Variants in AACS observed in about 807,000 individuals in gnomAD.
The protein encoded by AACS is acetoacetyl-CoA synthetase, also known as acetoacetate-CoA ligase.
In AACS, 69 loss-of-function variants were observed where a neutral mutation model predicts 83.1. The ratio of observed to expected loss-of-function variants is 0.83; its 90% CI spans 0.68 to 1.01. AACS has a LOEUF of 1.01. AACS is among the 50% of genes least tolerant of loss of function. The pLI is 0.00. For missense variants in AACS, 866 were observed against 882.2 expected (o/e 0.98, Z 0.23); for synonymous variants, 333 against 343.4 (o/e 0.97, Z 0.33).
At chr12:125,138,307 G>A (rs542827933) in intron 17 of AACS, 1 of 150,522 alleles carries the variant, frequency 6.6e-6, no homozygotes, top group South Asian at 2.1e-4. Flanking sequence ...CCTGCAGCTT[G>A]GGGCTTTCCA....
intron 13 of AACS, 144 bp downstream of exon 13, chr12:125,128,418 T>C: frequency 1.5e-6 from 1 of 667,752 alleles, no homozygotes; most frequent in East Asian, 3.1e-5. Flanking sequence ...TGTGATGTCC[T>C]TTCCCTCCAG....
intron 1 of AACS, among the ~76,000 whole-genome samples, chr12:125,070,678 C>T (rs948496418): frequency 6.6e-5 from 10 of 152,162 alleles, no homozygotes; most frequent in African/African-American, 2.4e-4. Context: ...CTCTGTATGT[C>T]GGGCTCCATC....
intron 5 of AACS, chr12:125,092,410 G>C (rs994454963): frequency 1.3e-5 from 2 of 152,370 alleles, no homozygotes; most frequent in African/African-American, 4.8e-5. Flanking sequence ...TGAGGCTTTT[G>C]GGTGTGAGCT....
chr12:125,089,715 A>G (rs1486368806), intron 4 of AACS, among the ~76,000 whole-genome samples: 1 of 151,792 alleles, frequency 6.6e-6, no homozygotes, highest in Non-Finnish European at 1.5e-5. Flanking sequence ...CCATCTGTCC[A>G]TCCATCTATC....
Position 125,107,688 on chromosome 12 carries a change from C to T in AACS, c.915+420C>T, listed in dbSNP as rs547933557. On this transcript the variant is annotated intron_variant, in intron 8 of 17. Transcript: ENST00000316519. ...GATAATATTAGCGCAGTGCCAGACG[C>T]AATGGCCCACACCTATAACCCCAGC... Among the ~76,000 whole-genome samples, 3 of 152,342 alleles carry T rather than the reference C, an allele frequency of 2.0e-5. No homozygotes were observed. The South Asian group carries it at 6.2e-4, about 32-fold the overall frequency.
chr12:125,103,188 A>C (rs951526865), intron 7 of AACS, 107 bp downstream of exon 7: 2 of 933,666 alleles, frequency 2.1e-6, no homozygotes, highest in African/African-American at 3.3e-5. Context: ...GAATTTTAGA[A>C]GTGGAGGAGG....
At chr12:125,111,885 CAG>C (rs1168976914) in intron 8 of AACS, among the ~76,000 whole-genome samples, 2 of 151,958 alleles carry the variant, frequency 1.3e-5, no homozygotes, top group Non-Finnish European at 2.9e-5. Context: ...AAGAGTCACA[CAG>C]AGAAATTCTT....
intron 9 of AACS, among the ~76,000 whole-genome samples, chr12:125,115,638 C>T (rs1957040674): frequency 6.6e-6 from 1 of 152,170 alleles, no homozygotes. Flanking sequence ...CCTTCTGTGC[C>T]CCTTATGAGA....
chr12:125,105,544 CT>C (rs1956816145), intron 7 of AACS: 1 of 152,208 alleles, frequency 6.6e-6, no homozygotes, highest in African/African-American at 2.4e-5. Context: ...TACCAGCCCC[CT>C]GGTTGGCCTG....
chr12:125,088,817 T>TCC (rs1444471120), intron 4 of AACS, among the ~76,000 whole-genome samples: 2 of 152,228 alleles, frequency 1.3e-5, no homozygotes, highest in African/African-American at 4.8e-5. Context: ...GTGAGCTGGT[T>TCC]CCTTGTGCCC....
chr12:125,127,183 C>G (rs1957259450), intron 12 of AACS: 1 of 152,142 alleles, frequency 6.6e-6, no homozygotes, highest in South Asian at 2.1e-4. Context: ...AGGCCGACCC[C>G]TCAGCCTTCC....
chr12:125,092,913 C>T (rs1300152999), intron 5 of AACS, among the ~76,000 whole-genome samples: 4 of 152,328 alleles, frequency 2.6e-5, no homozygotes, highest in East Asian at 3.9e-4. Context: ...CAGGGTGAGA[C>T]GGCAGGATGG....
At chr12:125,080,937 C>T (rs958998677) in intron 3 of AACS, among the ~76,000 whole-genome samples, 15 of 151,924 alleles carry the variant, frequency 9.9e-5, no homozygotes, top group South Asian at 8.3e-4. Flanking sequence ...GTGATCCACC[C>T]GCCTTGGCCT....
intron 17 of AACS, chr12:125,141,636 G>A (rs1957493016): frequency 6.6e-6 from 1 of 152,372 alleles, no homozygotes; most frequent in South Asian, 2.0e-4. Context: ...GGGGGAGCTT[G>A]CAGTAAGCGG....
At chr12:125,067,508 T>C (rs568360837) in intron 1 of AACS, among the ~76,000 whole-genome samples, 19 of 151,996 alleles carry the variant, frequency 1.3e-4, no homozygotes, top group Non-Finnish European at 2.2e-4. Flanking sequence ...GTGGGAAGTG[T>C]TGAAGAGAAG....
chr12:125,075,697 C>T (rs1353167086), intron 2 of AACS, among the ~76,000 whole-genome samples: 1 of 151,026 alleles, frequency 6.6e-6, no homozygotes, highest in African/African-American at 2.4e-5. Flanking sequence ...GGGTTCACAC[C>T]ATTCTCCTGC....
chr12:125,117,091 T>C (rs1445587264), intron 9 of AACS, among the ~76,000 whole-genome samples: 1 of 151,824 alleles, frequency 6.6e-6, no homozygotes, highest in Non-Finnish European at 1.5e-5. Context: ...ACAGGTGCAC[T>C]CCACCATGCC....
At chr12:125,091,567 A>G in intron 5 of AACS, 44 bp downstream of exon 5, 5 of 1,587,206 alleles carry the variant, frequency 3.2e-6, no homozygotes, top group Non-Finnish European at 4.3e-6. Context: ...TTGCCCTGTG[A>G]GCATCCTGGG....
chr12:125,137,448 C>T lies in AACS; in HGVS notation c.1881+584C>T, dbSNP rs992651742. ...CCGCCCACCTCAGCCTCCCAAAGTG[C>T]TGGGATTACAGGCGTAAGCCACTCT... On this transcript the variant is annotated intron_variant, in intron 17 of 17. Coordinates refer to ENST00000316519, the MANE Select transcript of AACS (RefSeq NM_023928.5). Among the ~76,000 whole-genome samples the T allele has an allele frequency of 5.3e-5, 8 of 152,360 alleles. No homozygotes were observed. In the East Asian group the frequency reaches 1.4e-3, roughly 26 times the overall value.
Sources: gnomAD v4.1 joint callset for allele counts (sites outside exome capture counted in the v4.1 genomes callset) on GRCh38, gnomAD v4.1.1 for gene constraint, MANE v1.5 for transcripts, NCBI Gene and HGNC (gene_info 2026-07-23, HGNC 2026-07-21) for gene names.